The following SAMMSON variants were observed in gnomAD, a reference collection of about 807,000 sequenced individuals.
The protein encoded by SAMMSON is survival associated mitochondrial melanoma specific oncogenic non-coding RNA, also known as long intergenic non-protein coding RNA 1212.
intron 4 of SAMMSON, chr3:70,125,206 A>G: frequency 6.9e-7 from 1 of 1,449,312 alleles, no homozygotes. Context: ...TAGGAAGTCC[A>G]ATGGAAGCTT....
intron 7 of SAMMSON, among the ~76,000 whole-genome samples, chr3:70,340,229 C>T (rs1489019545): frequency 4.5e-5 from 5 of 110,498 alleles, no homozygotes; most frequent in African/African-American, 1.8e-4. Flanking sequence ...ACATCACACA[C>T]TGAGGCCTGT....
At chr3:70,151,109 A>AG (rs2067570412) in intron 4 of SAMMSON, among the ~76,000 whole-genome samples, 1 of 104,102 alleles carries the variant, frequency 9.6e-6, no homozygotes, top group Non-Finnish European at 2.1e-5. Flanking sequence ...ATTTAATGGA[A>AG]CTGGTTAAAC....
At chr3:70,305,938 C>G (rs1209425512) in intron 7 of SAMMSON, among the ~76,000 whole-genome samples, 3 of 152,038 alleles carry the variant, frequency 2.0e-5, no homozygotes, top group African/African-American at 7.2e-5. Flanking sequence ...CCTCTAGGCT[C>G]TTTTCTAGTA....
chr3:70,013,473 T>C (rs1339711076), intron 2 of SAMMSON: 2 of 152,170 alleles, frequency 1.3e-5, no homozygotes, highest in Admixed American at 6.5e-5. Context: ...TAGGATGTAA[T>C]TCTTCTTCAT....
At chr3:70,392,570 C>T (rs913954589), downstream of SAMMSON, among the ~76,000 whole-genome samples, 1 of 152,106 alleles carries the variant, frequency 6.6e-6, no homozygotes. Flanking sequence ...CCACCACTAG[C>T]CCCACAGAGT....
At position 70,064,663 on chromosome 3, in the gene SAMMSON, G is replaced by A. The variant is rs563607377; in HGVS notation, n.418-6813G>A. On this transcript the variant is annotated intron_variant and non_coding_transcript_variant, in intron 3 of 9. Transcript: ENST00000642114. ...ATTTGGGTTTTGCCAGCCAAGGGAA[G>A]AAAGCTGTTAGAGGCAGGAGCAGAT... is the stretch of plus-strand genomic sequence containing the variant. Among the ~76,000 whole-genome samples the A allele has an allele frequency of 5.5e-4, 84 of 152,252 alleles. No homozygotes were observed. The South Asian group carries it at 0.017, about 31-fold the overall frequency.
chr3:70,084,309 C>G (rs28454035), intron 4 of SAMMSON, among the ~76,000 whole-genome samples: 1 of 152,030 alleles, frequency 6.6e-6, no homozygotes, highest in Admixed American at 6.6e-5. Flanking sequence ...GGTAAAGTGG[C>G]GAACAAGAAT....
chr3:70,359,659 A>G (rs1218168822), intron 9 of SAMMSON, among the ~76,000 whole-genome samples: 1 of 152,154 alleles, frequency 6.6e-6, no homozygotes, highest in African/African-American at 2.4e-5. Context: ...ACTTAAGACT[A>G]TTCATTTACT....
intron 4 of SAMMSON, among the ~76,000 whole-genome samples, chr3:70,107,083 G>C (rs2067369645): frequency 6.6e-6 from 1 of 152,162 alleles, no homozygotes; most frequent in African/African-American, 2.4e-5. Context: ...GTTGAATAAG[G>C]CATAAATATG....
At chr3:70,274,175 TA>T (rs1487313059) in intron 6 of SAMMSON, among the ~76,000 whole-genome samples, 2 of 151,498 alleles carry the variant, frequency 1.3e-5, no homozygotes, top group Non-Finnish European at 2.9e-5. Context: ...TACATATGTG[TA>T]GGGGGTGGGG....
intron 4 of SAMMSON, among the ~76,000 whole-genome samples, chr3:70,211,025 C>T (rs1701339715): frequency 6.6e-6 from 1 of 152,014 alleles, no homozygotes; most frequent in East Asian, 1.9e-4. Flanking sequence ...TAATGATTTT[C>T]ATTTTTGATC....
At chr3:70,388,378 A>C (rs1701001085) in intron 9 of SAMMSON, among the ~76,000 whole-genome samples, 1 of 152,130 alleles carries the variant, frequency 6.6e-6, no homozygotes, top group Admixed American at 6.6e-5. Flanking sequence ...GGTTCTTTAC[A>C]AAAAAGTTTT....
chr3:70,186,522 C>T (rs1000863443), intron 4 of SAMMSON, among the ~76,000 whole-genome samples: 4 of 152,064 alleles, frequency 2.6e-5, no homozygotes, highest in African/African-American at 7.2e-5. Context: ...GTGACCCTCC[C>T]GCCTCTGCCC....
At chr3:70,001,556 T>C (rs1236053771) in intron 1 of SAMMSON, among the ~76,000 whole-genome samples, 1 of 152,168 alleles carries the variant, frequency 6.6e-6, no homozygotes, top group African/African-American at 2.4e-5. Flanking sequence ...TGTACGCTTT[T>C]TGGTTTTGCA....
At chr3:70,065,751 C>T (rs1255325172) in intron 3 of SAMMSON, among the ~76,000 whole-genome samples, 2 of 152,028 alleles carry the variant, frequency 1.3e-5, no homozygotes, top group East Asian at 1.9e-4. Context: ...ACAGCACAGC[C>T]ACCCCCACAA....
At chr3:70,372,457 G>C (rs951637749) in intron 9 of SAMMSON, among the ~76,000 whole-genome samples, 4 of 151,858 alleles carry the variant, frequency 2.6e-5, no homozygotes, top group Admixed American at 1.3e-4. Flanking sequence ...GATTACAGGC[G>C]CCTGGCTCAT....
At chr3:70,121,818 A>T (rs1278685266) in intron 4 of SAMMSON, among the ~76,000 whole-genome samples, 2 of 152,202 alleles carry the variant, frequency 1.3e-5, no homozygotes, top group Non-Finnish European at 2.9e-5. Context: ...GAGTCAGCCG[A>T]GTCAGCTACG....
chr3:70,000,809 T>C (rs1438700708), intron 1 of SAMMSON, among the ~76,000 whole-genome samples: 2 of 152,214 alleles, frequency 1.3e-5, no homozygotes, highest in African/African-American at 4.8e-5. Context: ...TTTTCCTCTT[T>C]CTGGGGTCTT....
intron 4 of SAMMSON, among the ~76,000 whole-genome samples, chr3:70,137,333 G>C (rs771582663): frequency 6.6e-6 from 1 of 152,134 alleles, no homozygotes; most frequent in African/African-American, 2.4e-5. Context: ...TATGACTTAT[G>C]GGCCAAATTT....
Sources: gnomAD v4.1 joint callset for allele counts (sites outside exome capture counted in the v4.1 genomes callset) on GRCh38, gnomAD v4.1.1 for gene constraint, MANE v1.5 for transcripts, NCBI Gene and HGNC (gene_info 2026-07-23, HGNC 2026-07-21) for gene names.